ARHGAP20: variants seen among roughly 807,000 people sequenced by gnomAD.
The protein encoded by ARHGAP20 is Rho GTPase activating protein 20.
In ARHGAP20, 34 loss-of-function variants were observed where a neutral mutation model predicts 73.7. The observed-to-expected ratio is 0.46, with a 90% CI of 0.35 to 0.61. The LOEUF (loss-of-function observed/expected upper bound fraction) is 0.61. ARHGAP20 is among the 20% of genes least tolerant of loss of function. The pLI is 0.00. For missense variants in ARHGAP20, 1,314 were observed against 1,420.9 expected (o/e 0.92, Z 1.21); for synonymous variants, 523 against 518.2 (o/e 1.01, Z -0.13).
In ARHGAP20 at chr11:110,655,644, G is replaced by A. The variant is rs1591144924; in HGVS notation, c.189-24852C>T. ...ACAGTCATGGGTTTCCTCTGAAGGT[G>A]GCAGATACTGTCAGGGTTAGTGATC... On this transcript the variant is annotated intron_variant, in intron 2 of 14. Coordinates refer to ENST00000683387, the MANE Select transcript of ARHGAP20 (RefSeq NM_001384657.1). Among the ~76,000 whole-genome samples the A allele has an allele frequency of 2.0e-5, 3 of 152,258 alleles. No homozygotes were observed. In the East Asian group the frequency reaches 5.8e-4, roughly 29 times the overall value.
chr11:110,649,995 G>A (rs994277289), intron 2 of ARHGAP20, among the ~76,000 whole-genome samples: 2 of 152,008 alleles, frequency 1.3e-5, no homozygotes, highest in African/African-American at 4.8e-5. Context: ...TCCTCTCTGA[G>A]CACATAAACT....
intron 9 of ARHGAP20, among the ~76,000 whole-genome samples, chr11:110,599,129 G>T (rs1283918775): frequency 6.6e-6 from 1 of 152,180 alleles, no homozygotes; most frequent in Non-Finnish European, 1.5e-5. Context: ...CATGGAACAT[G>T]CAGAGCCCCA....
intron 2 of ARHGAP20, among the ~76,000 whole-genome samples, chr11:110,685,173 C>T (rs1950108156): frequency 6.7e-6 from 1 of 149,228 alleles, no homozygotes; most frequent in Middle Eastern, 3.4e-3. Context: ...TTGTATTCAA[C>T]AAATAATTAT....
At chr11:110,620,987 T>TC (rs768621499) in intron 4 of ARHGAP20, among the ~76,000 whole-genome samples, 39 of 141,370 alleles carry the variant, frequency 2.8e-4, no homozygotes, top group Non-Finnish European at 4.5e-4. Context: ...GGCAGGAGAA[T>TC]CACTTGAAGC....
rs766389985 is a variant in ARHGAP20, at chr11:110,624,249, C to T, written c.416G>A (p.Cys139Tyr). 4 of 1,612,680 alleles carry T rather than the reference C, an allele frequency of 2.5e-6. No individual in the cohort carries two copies. The highest frequency in any genetic ancestry group is 4.5e-5 in the East Asian group (2 of 44,782). The change falls in exon 4 of 15, where the codon TGT becomes TAT. Residue 139 changes from cysteine (C) to tyrosine (Y), a missense_variant. Coordinates refer to ENST00000683387, the MANE Select transcript of ARHGAP20 (RefSeq NM_001384657.1). ...GTTGCCTTCTCCCACTTCATCCACA[C>T]AGCTTGCTGTCCACATATCAGTTAA... ...IKLTDMWTAS[C>Y]VDEVGEGNTN...
chr11:110,685,133 CA>C (rs1950107256), intron 2 of ARHGAP20, among the ~76,000 whole-genome samples: 1 of 152,040 alleles, frequency 6.6e-6, no homozygotes. Context: ...TTGGAAAATA[CA>C]CAGTCTTCTG....
chr11:110,632,731 T>C (rs1948884920), intron 2 of ARHGAP20, among the ~76,000 whole-genome samples: 1 of 152,234 alleles, frequency 6.6e-6, no homozygotes, highest in Non-Finnish European at 1.5e-5. Flanking sequence ...TTTGCATTTC[T>C]CTGCTAATTT....
At chr11:110,583,857 G>T in intron 12 of ARHGAP20, 120 bp from the exon 13 acceptor site, 1 of 772,834 alleles carries the variant, frequency 1.3e-6, no homozygotes, top group Non-Finnish European at 1.9e-6. Context: ...ATATGCAAGA[G>T]TTTCAGTTAA....
At chr11:110,658,962 C>T (rs1294464480) in intron 2 of ARHGAP20, among the ~76,000 whole-genome samples, 1 of 152,140 alleles carries the variant, frequency 6.6e-6, no homozygotes, top group Non-Finnish European at 1.5e-5. Context: ...GTAATTTAAC[C>T]TAGAAAATAC....
At position 110,662,285 on chromosome 11, in the gene ARHGAP20, G is replaced by C. The variant is rs1453633228; in HGVS notation, c.188+28262C>G. Among the ~76,000 whole-genome samples the C allele has an allele frequency of 2.0e-5, 3 of 151,832 alleles. No individual in the cohort carries two copies. The South Asian group carries it at 6.2e-4, about 32-fold the overall frequency. On this transcript the variant is annotated intron_variant, in intron 2 of 14. Coordinates refer to ENST00000683387, the MANE Select transcript of ARHGAP20 (RefSeq NM_001384657.1). ...CATCTTGTTTTAATAGATTCAACTT[G>C]AACTATGTAAATGTCTACATAATTA...
At chr11:110,700,950 T>C (rs1035053519) in intron 1 of ARHGAP20, among the ~76,000 whole-genome samples, 4 of 151,422 alleles carry the variant, frequency 2.6e-5, no homozygotes, top group Non-Finnish European at 4.4e-5. Context: ...TAGTATTCCA[T>C]GGTGTATATG....
chr11:110,612,017 A>C (rs1306723180), intron 6 of ARHGAP20, among the ~76,000 whole-genome samples: 2 of 152,206 alleles, frequency 1.3e-5, no homozygotes, highest in Non-Finnish European at 2.9e-5. Context: ...AAAGAAATGA[A>C]AATTTTAGAA....
intron 1 of ARHGAP20, among the ~76,000 whole-genome samples, chr11:110,693,947 T>C (rs1007756628): frequency 4.6e-5 from 7 of 151,864 alleles, no homozygotes; most frequent in Non-Finnish European, 7.4e-5. Context: ...TTGATGTTTA[T>C]AACTAGATGA....
chr11:110,663,168 A>C (rs534865913), intron 2 of ARHGAP20, among the ~76,000 whole-genome samples: 1 of 151,884 alleles, frequency 6.6e-6, no homozygotes, highest in East Asian at 1.9e-4. Flanking sequence ...TAAGTGCAAA[A>C]TATGAAAAGT....
chr11:110,673,644 A>G (rs748746755), intron 2 of ARHGAP20, among the ~76,000 whole-genome samples: 2 of 152,198 alleles, frequency 1.3e-5, no homozygotes, highest in Non-Finnish European at 2.9e-5. Flanking sequence ...GATAAAAGTC[A>G]GTGATTGGTA....
intron 2 of ARHGAP20, among the ~76,000 whole-genome samples, chr11:110,648,190 T>C (rs1949248256): frequency 1.1e-5 from 1 of 89,848 alleles, no homozygotes; most frequent in Admixed American, 1.2e-4. Context: ...TATATATATG[T>C]AAATATATAT....
rs752629930 is a variant in ARHGAP20 at position 110,580,606 on chromosome 11, T to TTTC, written c.2337_2339dup (p.Lys780dup). ...GATTTCCTTCACTACCAGACAAGCTTTTCTTCTTAGTGTTTTGAGTAGTGG... is the reference window on the plus strand; with the variant it reads ...GATTTCCTTCACTACCAGACAAGCTTTTCTTCTTCTTAGTGTTTTGAGTAGTGG... On this transcript the variant is annotated inframe_insertion, in exon 15 of 15. Transcript: ENST00000683387. The TTTC allele has an allele frequency of 2.2e-5, 35 of 1,614,056 alleles. No individual in the cohort carries two copies. The highest frequency in any genetic ancestry group is 2.7e-5 in the African/African-American group (2 of 74,916).
intron 2 of ARHGAP20, among the ~76,000 whole-genome samples, chr11:110,659,008 C>T (rs533244821): frequency 3.4e-4 from 51 of 151,902 alleles, no homozygotes; most frequent in East Asian, 5.8e-4. Flanking sequence ...TGAATAATGC[C>T]GCAATAAACA....
At chr11:110,611,714 CTCTG>C (rs544531698) in intron 6 of ARHGAP20, among the ~76,000 whole-genome samples, 2 of 152,108 alleles carry the variant, frequency 1.3e-5, no homozygotes, top group African/African-American at 2.4e-5. Context: ...GAGGTTGGTC[CTCTG>C]TCTTATTTCC....
Sources: allele counts gnomAD v4.1 joint callset (sites outside exome capture counted in the v4.1 genomes callset), GRCh38; gene constraint gnomAD v4.1.1; transcripts MANE v1.5; gene names NCBI Gene and HGNC (gene_info 2026-07-23, HGNC 2026-07-21).